PIK3R4: variants seen among roughly 807,000 people sequenced by gnomAD.
PIK3R4 encodes phosphoinositide 3-kinase regulatory subunit 4.
In PIK3R4, 46 loss-of-function variants were observed where a neutral mutation model predicts 136.5. That is an observed-to-expected ratio of 0.34 (90% confidence interval 0.27 to 0.43). The LOEUF is 0.43. Among genes scored for constraint, PIK3R4 ranks in the 20% least tolerant of loss-of-function variants. The pLI is 1.00. For missense variants in PIK3R4, 1,331 were observed against 1,649.5 expected (o/e 0.81, Z 3.35); for synonymous variants, 557 against 566.7 (o/e 0.98, Z 0.24).
intron 13 of PIK3R4, among the ~76,000 whole-genome samples, chr3:130,700,271 C>T (rs1199309470): frequency 6.6e-6 from 1 of 152,146 alleles, no homozygotes; most frequent in Non-Finnish European, 1.5e-5. Flanking sequence ...GTAACCCTAA[C>T]ATTGACAACT....
At chr3:130,699,602 G>C (rs77319801) in intron 13 of PIK3R4, among the ~76,000 whole-genome samples, 2,108 of 152,258 alleles carry the variant, frequency 0.014, 55 homozygotes, top group African/African-American at 0.047. Context: ...GCTGAAAGGT[G>C]TTAGCTGATT....
chr3:130,736,731 G>A (rs2066787760), intron 2 of PIK3R4, among the ~76,000 whole-genome samples: 1 of 151,778 alleles, frequency 6.6e-6, no homozygotes, highest in Non-Finnish European at 1.5e-5. Context: ...AGTCATATCC[G>A]ACAAATCATT....
chr3:130,730,910 T>C (rs1373530088), intron 4 of PIK3R4, among the ~76,000 whole-genome samples: 5 of 152,188 alleles, frequency 3.3e-5, no homozygotes, highest in African/African-American at 9.6e-5. Context: ...TGAGACTGTT[T>C]CTTCACATAT....
rs183617890 is a variant in PIK3R4, at chr3:130,725,668, A to T, written c.1808-2081T>A. ...ACAGAAAAGATTCAAAAATCAAGTT[A>T]AAGAACTAAGAAACGTGAGCTTAAA... On this transcript the variant is annotated intron_variant, in intron 6 of 19. Transcript: ENST00000356763. Among the ~76,000 whole-genome samples, 5 of 152,166 alleles carry T rather than the reference A, an allele frequency of 3.3e-5. No homozygotes were observed. In the East Asian group the frequency reaches 9.6e-4, roughly 29 times the overall value.
At chr3:130,690,455 A>C (rs780000804) in intron 14 of PIK3R4, 35 bp downstream of exon 14, 5 of 1,545,646 alleles carry the variant, frequency 3.2e-6, no homozygotes, top group Non-Finnish European at 4.4e-6. Flanking sequence ...TAGTGCACTA[A>C]ATACAATGTT....
Position 130,690,546 on chromosome 3 carries a change from A to C in PIK3R4, c.3207T>G (p.Leu1069=). Residue 1069 remains leucine (L), a synonymous_variant, in exon 14 of 20, where the codon CTT becomes CTG. Coordinates refer to ENST00000356763, the MANE Select transcript of PIK3R4 (RefSeq NM_014602.3). ...IASDNGAVQL[L]GIEASKLPKS... ...TGGGCAGCTTAGAAGCCTCAATTCC[A>C]AGAAGCTGGACAGCACCATTATCAG... 1 of 1,613,574 alleles carries C rather than the reference A, an allele frequency of 6.2e-7. No homozygotes were observed. The highest frequency in any genetic ancestry group is 8.5e-7 in the Non-Finnish European group (1 of 1,179,534).
intron 5 of PIK3R4, among the ~76,000 whole-genome samples, chr3:130,729,868 C>T (rs548245987): frequency 6.6e-6 from 1 of 152,230 alleles, no homozygotes; most frequent in East Asian, 1.9e-4. Context: ...ACTTTGACAT[C>T]AATAAGTTTA....
At chr3:130,713,182 T>C (rs2066642155) in intron 9 of PIK3R4, among the ~76,000 whole-genome samples, 1 of 152,242 alleles carries the variant, frequency 6.6e-6, no homozygotes, top group African/African-American at 2.4e-5. Context: ...CTGCTGTTAT[T>C]TCTGGTAAGA....
chr3:130,714,077 A>C (rs944075216), intron 9 of PIK3R4, among the ~76,000 whole-genome samples: 1 of 152,226 alleles, frequency 6.6e-6, no homozygotes, highest in Non-Finnish European at 1.5e-5. Context: ...TTTTTACTGC[A>C]CATTGAAATC....
chr3:130,705,622 A>G lies in PIK3R4; in HGVS notation c.2871T>C (p.Ala957=). 6.2e-7 allele frequency: 1 copy of G among 1,613,936 alleles called. No individual in the cohort carries two copies. Among genetic ancestry groups the G allele is most frequent in the Non-Finnish European group, 8.5e-7 (1 of 1,179,846 alleles). The change falls in exon 12 of 20, where the codon GCT becomes GCC. Residue 957 remains alanine (A), a synonymous_variant. Transcript: ENST00000356763. ...CCATCATCTGCTTAGCTATTCTCTC[A>G]GCATTGCACTGCTCCCGCTTTTGCT... The part of the protein sequence containing the change: ...LIQQKREQCN[A]ERIAKQMMEN...
At chr3:130,704,258 C>T (rs1288560821) in intron 12 of PIK3R4, among the ~76,000 whole-genome samples, 1 of 152,158 alleles carries the variant, frequency 6.6e-6, no homozygotes, top group African/African-American at 2.4e-5. Flanking sequence ...AAATACGTTA[C>T]TCTAAGTATA....
intron 13 of PIK3R4, among the ~76,000 whole-genome samples, chr3:130,703,131 T>C (rs2066587997): frequency 1.3e-5 from 2 of 152,136 alleles, no homozygotes; most frequent in African/African-American, 2.4e-5. Flanking sequence ...ATCTCTCCTC[T>C]ACTCGGAACT....
intron 14 of PIK3R4, among the ~76,000 whole-genome samples, chr3:130,689,758 G>C (rs2066506689): frequency 1.3e-5 from 2 of 152,156 alleles, no homozygotes; most frequent in Admixed American, 1.3e-4. Context: ...TGTTATCCAT[G>C]TAAAAATTAC....
chr3:130,698,073 T>C (rs898319442), intron 13 of PIK3R4, among the ~76,000 whole-genome samples: 14 of 152,222 alleles, frequency 9.2e-5, no homozygotes, highest in African/African-American at 3.4e-4. Context: ...AAAAATCAAC[T>C]GTTAATTTTA....
At chr3:130,711,957 A>G (rs1309086410) in intron 9 of PIK3R4, among the ~76,000 whole-genome samples, 1 of 152,236 alleles carries the variant, frequency 6.6e-6, no homozygotes, top group Non-Finnish European at 1.5e-5. Flanking sequence ...TAAAAATGTA[A>G]CTCATTTTTT....
In PIK3R4 at chr3:130,735,908, T is replaced by C; in HGVS notation, c.828A>G (p.Gln276=). ...AYRNGHFFPE[Q]VLNKIEDHSI... ...TGTGATCTTCAATTTTATTTAGCAC[T>C]TGTTCAGGGAAAAAATGTCCATTTC... Residue 276 remains glutamine, a synonymous_variant, in exon 3 of 20, where the codon CAA becomes CAG. Transcript: ENST00000356763. The C allele has an allele frequency of 6.2e-7, 1 of 1,612,632 alleles. No individual in the cohort carries two copies. Among genetic ancestry groups the C allele is most frequent in the Non-Finnish European group, 8.5e-7 (1 of 1,179,476 alleles).
chr3:130,707,153 G>C lies in PIK3R4; in HGVS notation c.2534-18C>G, dbSNP rs769075307. 1 of 1,570,686 alleles carries C rather than the reference G, an allele frequency of 6.4e-7. No homozygotes were observed. Among genetic ancestry groups the C allele is most frequent in the Non-Finnish European group, 8.7e-7 (1 of 1,152,456 alleles). On this transcript the variant is annotated intron_variant, in intron 10 of 19. Coordinates refer to ENST00000356763, the MANE Select transcript of PIK3R4 (RefSeq NM_014602.3). ...TTTTCTGGCTATGAAAATATATTCA[G>C]AATAGTTAGTCTGAAGGTAGCCTTT...
intron 15 of PIK3R4, 21 bp from the exon 16 acceptor site, chr3:130,684,402 A>G (rs766769315): frequency 3.1e-6 from 5 of 1,607,850 alleles, no homozygotes; most frequent in Non-Finnish European, 4.3e-6. Context: ...AAAGGAAAAA[A>G]AGATTACCAT....
Position 130,680,733 on chromosome 3 carries a change from G to T in PIK3R4, c.3798-12C>A. 6.7e-7 allele frequency: 1 copy of T among 1,491,692 alleles called. No homozygotes were observed. Among genetic ancestry groups the T allele is most frequent in the Non-Finnish European group, 9.3e-7 (1 of 1,072,482 alleles). The allele number at this position is 1,491,692 out of a possible 1,614,324, so 92.4% of individuals were successfully genotyped here. A position where few individuals can be genotyped will look rare whatever the true frequency, so the allele number is the denominator to read the frequency against. On this transcript the variant is annotated splice_polypyrimidine_tract_variant and intron_variant, in intron 18 of 19. Transcript: ENST00000356763. ...CCAAGTCCCAAAACCTAGGAAAGAG[G>T]AAATAAATGATGACAATCTCTTCAG... is the stretch of plus-strand genomic sequence containing the variant.
Sources: gnomAD v4.1 joint callset for allele counts (sites outside exome capture counted in the v4.1 genomes callset) on GRCh38, gnomAD v4.1.1 for gene constraint, MANE v1.5 for transcripts, NCBI Gene and HGNC (gene_info 2026-07-23, HGNC 2026-07-21) for gene names.